PGF: variants seen among roughly 807,000 people sequenced by gnomAD.
PGF encodes the protein placenta growth factor.
A neutral mutation model predicts 25.3 loss-of-function variants in PGF; 11 were observed. That is an observed-to-expected ratio of 0.43 (90% CI 0.27 to 0.72). The LOEUF (loss-of-function observed/expected upper bound fraction) is 0.72, where lower values mean the gene tolerates loss of function less well. Ranked by LOEUF, PGF falls within the 30% of genes least tolerant of loss-of-function variation. The pLI is 0.18. For synonymous variants in PGF, 105 were observed against 97.9 expected (o/e 1.07, Z -0.43); for missense variants, 230 against 234.9 (o/e 0.98, Z 0.14).
intron 3 of PGF, among the ~76,000 whole-genome samples, chr14:74,948,814 A>T (rs1392325862): frequency 6.6e-6 from 1 of 152,158 alleles, no homozygotes; most frequent in Non-Finnish European, 1.5e-5. Context: ...TAGCACAGGA[A>T]GGGGGCTCAT....
chr14:74,952,464 A>G (rs1481771282), intron 2 of PGF, among the ~76,000 whole-genome samples: 2 of 152,254 alleles, frequency 1.3e-5, no homozygotes, highest in African/African-American at 4.8e-5. Context: ...GCCTGCCTGC[A>G]TCTGTAAAAA....
chr14:74,951,638 T>C (rs1888874689), intron 2 of PGF, among the ~76,000 whole-genome samples: 1 of 152,150 alleles, frequency 6.6e-6, no homozygotes, highest in African/African-American at 2.4e-5. Context: ...ATGGCCACCT[T>C]TGGCAGAACT....
intron 6 of PGF, among the ~76,000 whole-genome samples, chr14:74,944,194 C>T (rs910959993): frequency 1.9e-4 from 28 of 151,270 alleles, no homozygotes; most frequent in Non-Finnish European, 3.1e-4. Context: ...GTTCCGCCTC[C>T]CGGGTTCATG....
chr14:74,954,011 T>C, intron 1 of PGF, 65 bp from the exon 2 acceptor site: 2 of 1,540,688 alleles, frequency 1.3e-6, no homozygotes, highest in South Asian at 1.1e-5. Context: ...TTGGGCCAAG[T>C]GTGATGGCAA....
Position 74,955,251 on chromosome 14 carries a change from A to G in PGF, c.-9T>C. On this transcript the variant is annotated 5_prime_UTR_variant, in exon 1 of 7. Coordinates refer to ENST00000555567, the MANE Select transcript of PGF (RefSeq NM_002632.6). The surrounding 1 kb of genome is among the most constrained non-coding windows in gnomAD (Gnocchi z 4.1). The stretch of plus-strand genomic sequence containing the variant: ...AGCCTCATGACCGGCATCTTCTCAG[A>G]CGTCCCGAGCCAGGGGGCTCCGAGG... 1 of 1,450,938 alleles carries G rather than the reference A, an allele frequency of 6.9e-7. No homozygotes were observed. The highest frequency in any genetic ancestry group is 9.2e-7 in the Non-Finnish European group (1 of 1,090,110). 89.9% of individuals were successfully genotyped at this position (1,450,938 alleles called of 1,614,324 possible).
In PGF at chr14:74,950,400, G is replaced by A. The variant is rs1288930819; in HGVS notation, c.119-847C>T. ...AGGCTCCATGAGGGCAGAGATGGAC[G>A]TACCCGTAAACACAGGCTAAGTCAC... On this transcript the variant is annotated intron_variant, in intron 2 of 6. Coordinates refer to ENST00000555567, the MANE Select transcript of PGF (RefSeq NM_002632.6). The surrounding 1 kb of genome is among the most constrained non-coding windows in gnomAD (Gnocchi z 4.1). Among the ~76,000 whole-genome samples, 3 of 152,170 alleles carry A rather than the reference G, an allele frequency of 2.0e-5. No homozygotes were observed. Among genetic ancestry groups the A allele is most frequent in the Non-Finnish European group, 4.4e-5 (3 of 68,038 alleles).
In PGF at chr14:74,955,408, C is replaced by A; in HGVS notation, c.-166G>T. 1 of 414,618 alleles carries A rather than the reference C, an allele frequency of 2.4e-6. No homozygotes were observed. The highest frequency in any genetic ancestry group is 4.3e-6 in the Non-Finnish European group (1 of 232,164). The allele number at this position is 414,618 out of a possible 1,614,324, so 25.7% of individuals were successfully genotyped here. On this transcript the variant is annotated 5_prime_UTR_variant, in exon 1 of 7. Transcript: ENST00000555567. The surrounding 1 kb of genome is among the most constrained non-coding windows in gnomAD (Gnocchi z 4.1). ...GTTCGAGCATCTTCTGGAAGCCTTGCGGAGTCAGGAGCCCGTAGGTAAGGC... is the reference window on the plus strand; with the variant it reads ...GTTCGAGCATCTTCTGGAAGCCTTGAGGAGTCAGGAGCCCGTAGGTAAGGC...
intron 4 of PGF, 103 bp downstream of exon 4, chr14:74,948,404 C>T (rs1445331062): frequency 9.5e-6 from 6 of 634,086 alleles, no homozygotes; most frequent in Non-Finnish European, 1.7e-5. Flanking sequence ...CAGCCCGCAG[C>T]GGGGATGGGC....
chr14:74,947,299 T>C (rs1888762028), intron 4 of PGF: 2 of 184,556 alleles, frequency 1.1e-5, no homozygotes, highest in African/African-American at 4.7e-5. Flanking sequence ...GGAGGGTTCA[T>C]TACCGAGCTC....
intron 4 of PGF, 136 bp downstream of exon 4, chr14:74,948,371 C>A: frequency 1.9e-6 from 1 of 535,144 alleles, no homozygotes; most frequent in Non-Finnish European, 3.4e-6. Flanking sequence ...CCCTCTTGGT[C>A]TCCCTCAGTC....
At chr14:74,949,233 G>T in intron 3 of PGF, 124 bp downstream of exon 3, 2 of 722,674 alleles carry the variant, frequency 2.8e-6, no homozygotes, top group Non-Finnish European at 4.3e-6. Context: ...CCCTGGGCTG[G>T]GGTGGTAGGA....
intron 1 of PGF, 133 bp from the exon 2 acceptor site, chr14:74,954,079 C>A: frequency 1.2e-6 from 1 of 803,898 alleles, no homozygotes; most frequent in South Asian, 1.5e-5. Context: ...TGCCCTGTCT[C>A]AGAGCAGCCT....
chr14:74,955,169 TG>T lies in PGF; in HGVS notation c.73del (p.Gln25SerfsTer83), dbSNP rs756979630. 1.2e-5 allele frequency: 18 copies of T among 1,463,150 alleles called. No homozygotes were observed. Among genetic ancestry groups the T allele is most frequent in the East Asian group, 5.7e-5 (2 of 35,016 alleles). The allele number at this position is 1,463,150 out of a possible 1,614,324, so 90.6% of individuals were successfully genotyped here. A position where few individuals can be genotyped will look rare whatever the true frequency, so the allele number is the denominator to read the frequency against. Reference protein sequence around the residue: ...AGLALPAVPPQQWALSAGNGS... With the variant: ...AGLALPAVPPXQWALSAGNGS... Reference sequence around the variant, plus strand: ...AGGCTAGGTGGGGGTAGCTCTTACCTGGGGGGGCACAGCAGGCAGCGCCAGC... The same window carrying T: ...AGGCTAGGTGGGGGTAGCTCTTACCTGGGGGGCACAGCAGGCAGCGCCAGC... On this transcript the variant is annotated frameshift_variant and splice_region_variant, in exon 1 of 7. Coordinates refer to ENST00000555567, the MANE Select transcript of PGF (RefSeq NM_002632.6). LOFTEE classifies it high-confidence loss of function. This position sits in a 1 kb window ranked among gnomAD's most constrained non-coding sequence, Gnocchi z 4.1.
intron 6 of PGF, among the ~76,000 whole-genome samples, chr14:74,943,473 T>C (rs61759403): frequency 0.016 from 2,454 of 152,328 alleles, 48 homozygotes; most frequent in African/African-American, 0.03. Context: ...CAGGATATCA[T>C]GAGAAGTAAT....
At chr14:74,946,625 G>A (rs1392711766) in intron 4 of PGF, 3 of 636,060 alleles carry the variant, frequency 4.7e-6, no homozygotes, top group Non-Finnish European at 8.6e-6. Context: ...CCACGAGAGG[G>A]ACAAATCAAC....
At chr14:74,949,264 C>T (rs1214160692) in intron 3 of PGF, 93 bp downstream of exon 3, 5 of 1,094,266 alleles carry the variant, frequency 4.6e-6, no homozygotes, top group Non-Finnish European at 6.4e-6. Context: ...GGGAGTCAGG[C>T]TCCAGCCCTG....
At chr14:74,947,230 C>G (rs545721360) in intron 4 of PGF, 110 of 302,064 alleles carry the variant, frequency 3.6e-4, no homozygotes, top group African/African-American at 2.2e-3. Context: ...AAAAGAGTGG[C>G]TGTCAGGGCA....
In PGF at chr14:74,942,460, GC is replaced by G; in HGVS notation, c.*245del. 1 of 522,190 alleles carries G rather than the reference GC, an allele frequency of 1.9e-6. No individual in the cohort carries two copies. The highest frequency in any genetic ancestry group is 2.2e-5 in the South Asian group (1 of 45,970). 32.3% of individuals were successfully genotyped at this position (522,190 alleles called of 1,614,324 possible). A position where few individuals can be genotyped will look rare whatever the true frequency, so the allele number is the denominator to read the frequency against. On this transcript the variant is annotated 3_prime_UTR_variant, in exon 7 of 7. Transcript: ENST00000555567. ...TGCCCCTCACGAGGCCACGTGTCTTGCTTCTTTCAAAGCGGAAGCTCCCAGG... is the reference window on the plus strand; with the variant it reads ...TGCCCCTCACGAGGCCACGTGTCTTGTTCTTTCAAAGCGGAAGCTCCCAGG...
Position 74,953,821 on chromosome 14 carries a change from C to A in PGF, c.118+83G>T, listed in dbSNP as rs1888924671. On this transcript the variant is annotated intron_variant, in intron 2 of 6. Transcript: ENST00000555567. This position sits in a 1 kb window ranked among gnomAD's most constrained non-coding sequence, Gnocchi z 5.4. The stretch of plus-strand genomic sequence containing the variant: ...TCCCCAGCTTTTATCAACCTGCACC[C>A]ACGCTTCATGCCACACCTGGGCTTG... The A allele has an allele frequency of 7.2e-7, 1 of 1,385,998 alleles. No homozygotes were observed. The highest frequency in any genetic ancestry group is 1.0e-6 in the Non-Finnish European group (1 of 971,722). 85.9% of individuals were successfully genotyped at this position (1,385,998 alleles called of 1,614,324 possible). A position where few individuals can be genotyped will look rare whatever the true frequency, so the allele number is the denominator to read the frequency against.
Sources: allele counts gnomAD v4.1 joint callset (sites outside exome capture counted in the v4.1 genomes callset), GRCh38; gene constraint gnomAD v4.1.1; non-coding constraint Gnocchi (gnomAD v3.1); transcripts MANE v1.5; gene names NCBI Gene and HGNC (gene_info 2026-07-23, HGNC 2026-07-21).